Variants in SCPEP1 observed in about 807,000 individuals in gnomAD.
SCPEP1 encodes the protein serine carboxypeptidase 1.
Under a neutral mutation model 63.8 loss-of-function variants are expected in SCPEP1, and 51 were observed. The ratio of observed to expected loss-of-function variants is 0.80; its 90% CI spans 0.64 to 1.01. SCPEP1 has a LOEUF of 1.01. Among genes scored for constraint, SCPEP1 ranks in the 50% least tolerant of loss-of-function variants. The pLI, the probability that SCPEP1 is intolerant of heterozygous loss-of-function variation, is 0.00. For missense variants in SCPEP1, 499 were observed against 554.9 expected (o/e 0.90, Z 1.01); for synonymous variants, 204 against 207.8 (o/e 0.98, Z 0.16).
intron 2 of SCPEP1, chr17:56,983,704 G>A (rs1398770915): frequency 1.3e-5 from 2 of 152,214 alleles, no homozygotes; most frequent in Admixed American, 1.3e-4. Flanking sequence ...TCAGGGGGAT[G>A]TATAGCCTTC....
At position 56,991,144 on chromosome 17, in the gene SCPEP1, T is replaced by C. The variant is rs1369556925; in HGVS notation, c.592T>C (p.Leu198=). The C allele has an allele frequency of 2.5e-6, 4 of 1,613,936 alleles. No individual in the cohort carries two copies. The African/African-American group carries it at 5.3e-5, about 22-fold the overall frequency. ...CAAGTGCAACTTTGCGGGGGTTGCC[T>C]TGGGTGATTCCTGGATCTCCCCTGT... is the stretch of plus-strand genomic sequence containing the variant. The part of the protein sequence containing the change: ...TIKCNFAGVA[L]GDSWISPVDS... The change falls in exon 6 of 13, where the codon TTG becomes CTG. Residue 198 remains leucine (L), a synonymous_variant. Transcript: ENST00000262288.
At chr17:56,989,687 C>G (rs1349607832) in intron 5 of SCPEP1, among the ~76,000 whole-genome samples, 4 of 152,212 alleles carry the variant, frequency 2.6e-5, no homozygotes, top group Non-Finnish European at 5.9e-5. Flanking sequence ...TGGCTCATGC[C>G]TGTAATCCCA....
intron 7 of SCPEP1, chr17:56,995,276 A>T: frequency 1.7e-6 from 1 of 571,520 alleles, no homozygotes; most frequent in Non-Finnish European, 3.0e-6. Context: ...TATTACAAAA[A>T]TTTTCAAATA....
rs1911829191 is a variant in SCPEP1 at position 57,004,515 on chromosome 17, T to TA, written c.1297-1657dup. ...TAGAACGTCTTAGAGCAAGCACTGTTACAGGTTGAGTACCCCTTATCTGAG... is the reference window on the plus strand; with the variant it reads ...TAGAACGTCTTAGAGCAAGCACTGTTAACAGGTTGAGTACCCCTTATCTGAG... On this transcript the variant is annotated intron_variant, in intron 12 of 12. Transcript: ENST00000262288. Among the ~76,000 whole-genome samples the TA allele has an allele frequency of 1.3e-5, 2 of 152,220 alleles. 1 individual carries two copies. Among genetic ancestry groups the TA allele is most frequent in the South Asian group, 4.1e-4 (2 of 4,828 alleles).
In SCPEP1 at chr17:57,000,788, G is replaced by A. The variant is rs559841315; in HGVS notation, c.995-67G>A. On this transcript the variant is annotated intron_variant, in intron 10 of 12. Coordinates refer to ENST00000262288, the MANE Select transcript of SCPEP1 (RefSeq NM_021626.3). ...CGGTGCTGGAGCCCAAGATGCTCTG[G>A]GCTGAAAGGTACCTCCTGTTTTGGC... 1.8e-5 allele frequency: 29 copies of A among 1,581,298 alleles called. No individual in the cohort carries two copies. In the Admixed American group the frequency reaches 4.2e-4, roughly 23 times the overall value.
chr17:56,998,026 C>A, intron 9 of SCPEP1: 1 of 210,574 alleles, frequency 4.7e-6, no homozygotes, highest in South Asian at 8.0e-5. Flanking sequence ...GTAAAGATGT[C>A]CTCATGGCCA....
rs1211988862 is a variant in SCPEP1 at position 56,985,144 on chromosome 17, A to ACATT, written c.226-232_226-229dup. ...GAAAAGAAAAAATCAGGAGTCAGGA[A>ACATT]CATTCCATTGTGGACCTCTTAGCTC... On this transcript the variant is annotated intron_variant, in intron 2 of 12. Coordinates refer to ENST00000262288, the MANE Select transcript of SCPEP1 (RefSeq NM_021626.3). The ACATT allele has an allele frequency of 5.3e-6, 3 of 562,490 alleles. No homozygotes were observed. The African/African-American group carries it at 5.6e-5, about 11-fold the overall frequency. 34.8% of individuals were successfully genotyped at this position (562,490 alleles called of 1,614,324 possible). A position where few individuals can be genotyped will look rare whatever the true frequency, so the allele number is the denominator to read the frequency against.
rs1911192090 is a variant in SCPEP1, at chr17:56,985,597, A to G, written c.315+130A>G. ...TCCTTTTCCTGTGACTACTGAGGCCATGGGCACTTGTCCGCAGGCTTCCTC... is the reference window on the plus strand; with the variant it reads ...TCCTTTTCCTGTGACTACTGAGGCCGTGGGCACTTGTCCGCAGGCTTCCTC... On this transcript the variant is annotated intron_variant, in intron 3 of 12. Coordinates refer to ENST00000262288, the MANE Select transcript of SCPEP1 (RefSeq NM_021626.3). The G allele has an allele frequency of 2.6e-5, 18 of 693,668 alleles. 1 individual carries two copies. In the South Asian group the frequency reaches 3.1e-4, roughly 12 times the overall value. The allele number at this position is 693,668 out of a possible 1,614,324, so 43.0% of individuals were successfully genotyped here.
chr17:57,003,218 A>G (rs1183433200), intron 12 of SCPEP1, among the ~76,000 whole-genome samples: 2 of 152,174 alleles, frequency 1.3e-5, no homozygotes, highest in African/African-American at 4.8e-5. Context: ...AGGACTTGGA[A>G]TGGACACTGG....
intron 5 of SCPEP1, 98 bp downstream of exon 5, chr17:56,988,388 C>A: frequency 1.2e-6 from 1 of 839,894 alleles, no homozygotes; most frequent in Non-Finnish European, 1.9e-6. Context: ...TGAATAGGGC[C>A]ATGTACATGC....
chr17:56,980,963 T>TA, intron 1 of SCPEP1, 119 bp from the exon 2 acceptor site: 1 of 1,213,486 alleles, frequency 8.2e-7, no homozygotes, highest in Non-Finnish European at 1.2e-6. Flanking sequence ...CTGGGGTGGC[T>TA]AAATTACCAA....
intron 12 of SCPEP1, among the ~76,000 whole-genome samples, chr17:57,004,379 A>G (rs1224683574): frequency 6.6e-6 from 1 of 152,202 alleles, no homozygotes; most frequent in African/African-American, 2.4e-5. Context: ...ATAAACAAAT[A>G]GACTTAATCT....
intron 10 of SCPEP1, among the ~76,000 whole-genome samples, chr17:56,999,757 C>T (rs565606396): frequency 8.2e-4 from 124 of 152,046 alleles, no homozygotes; most frequent in African/African-American, 2.9e-3. Flanking sequence ...CCAAGGTGGG[C>T]GGATCACCTG....
At chr17:57,000,777 A>G (rs1051965516) in intron 10 of SCPEP1, 78 bp from the exon 11 acceptor site, 1 of 1,547,282 alleles carries the variant, frequency 6.5e-7, no homozygotes, top group East Asian at 2.3e-5. Flanking sequence ...GCTGGAGCCC[A>G]AGATGCTCTG....
chr17:57,005,627 C>A (rs781470453), intron 12 of SCPEP1, among the ~76,000 whole-genome samples: 13 of 152,022 alleles, frequency 8.6e-5, no homozygotes, highest in Non-Finnish European at 1.5e-4. Context: ...CCTTTTGATG[C>A]TGTGTGGGAA....
intron 1 of SCPEP1, 149 bp from the exon 2 acceptor site, chr17:56,980,933 T>C: frequency 2.5e-6 from 2 of 787,302 alleles, no homozygotes; most frequent in Non-Finnish European, 3.8e-6. Context: ...CCGAGGTTTT[T>C]TCCTTATTCC....
At chr17:57,000,680 G>A (rs1476240804) in intron 10 of SCPEP1, among the ~76,000 whole-genome samples, 175 bp from the exon 11 acceptor site, 1 of 152,158 alleles carries the variant, frequency 6.6e-6, no homozygotes, top group Non-Finnish European at 1.5e-5. Flanking sequence ...CTATTTATGT[G>A]TGCCTTACAC....
At chr17:56,988,337 TTA>T (rs1911287385) in intron 5 of SCPEP1, 47 bp downstream of exon 5, 1 of 1,433,630 alleles carries the variant, frequency 7.0e-7, no homozygotes, top group African/African-American at 1.4e-5. Context: ...AGAAAATCAA[TTA>T]TGTTACTTTT....
At chr17:56,993,619 G>C (rs990849314) in intron 6 of SCPEP1, among the ~76,000 whole-genome samples, 19 of 152,084 alleles carry the variant, frequency 1.2e-4, no homozygotes, top group African/African-American at 4.1e-4. Flanking sequence ...AATGTTTTTG[G>C]TATTTTTAGT....
Sources: allele counts gnomAD v4.1 joint callset (sites outside exome capture counted in the v4.1 genomes callset), GRCh38; gene constraint gnomAD v4.1.1; transcripts MANE v1.5; gene names NCBI Gene and HGNC (gene_info 2026-07-23, HGNC 2026-07-21).